TFIP11: variants seen among roughly 807,000 people sequenced by gnomAD.
The protein encoded by TFIP11 is tuftelin interacting protein 11, also known as tuftelin-interacting protein 11.
A neutral mutation model predicts 96.8 loss-of-function variants in TFIP11; 86 were observed. The ratio of observed to expected loss-of-function variants is 0.89; its 90% CI spans 0.75 to 1.06. TFIP11 has a LOEUF of 1.06. TFIP11 is among the 50% of genes least tolerant of loss of function. TFIP11 has a pLI of 0.00. For missense variants in TFIP11, 881 were observed against 1,076.7 expected, an observed-to-expected ratio of 0.82 and a Z score of 2.54; for synonymous variants, 405 against 395.2, an observed-to-expected ratio of 1.02 and a Z score of -0.29.
In TFIP11 at chr22:26,494,817, A is replaced by C; in HGVS notation, c.1972T>G (p.Phe658Val). ...SSLVGLLEKH[F>V]FPKWLQVLCS... ...TGTACCTGAAGCCACTTGGGGAAGAAGTGCTTTTCAAGAAGTCCCACCAGG... is the reference window on the plus strand; with the variant it reads ...TGTACCTGAAGCCACTTGGGGAAGACGTGCTTTTCAAGAAGTCCCACCAGG... Residue 658 changes from phenylalanine (F) to valine (V), a missense_variant, in exon 13 of 15, where the codon TTC (phenylalanine) becomes GTC (valine). Coordinates refer to ENST00000407690, the MANE Select transcript of TFIP11 (RefSeq NM_012143.4). 1.2e-6 allele frequency: 2 copies of C among 1,614,214 alleles called. No homozygotes were observed. Among genetic ancestry groups the C allele is most frequent in the Non-Finnish European group, 1.7e-6 (2 of 1,180,042 alleles).
chr22:26,510,486 A>C lies in TFIP11; in HGVS notation c.-10+131T>G, dbSNP rs1923920651. ...TACTAAAACAGGTGAACAAAATACT[A>C]CTCCTAACAGTCTATGATTCTTTAA... is the stretch of plus-strand genomic sequence containing the variant. On this transcript the variant is annotated intron_variant, in intron 3 of 14. Transcript: ENST00000407690. 6.9e-6 allele frequency: 4 copies of C among 575,612 alleles called. No individual in the cohort carries two copies. In the Admixed American group the frequency reaches 1.2e-4, roughly 17 times the overall value. 35.7% of individuals were successfully genotyped at this position (575,612 alleles called of 1,614,324 possible). A position where few individuals can be genotyped will look rare whatever the true frequency, so the allele number is the denominator to read the frequency against.
Position 26,496,739 on chromosome 22 carries a change from G to A in TFIP11, c.1587C>T (p.Phe529=), listed in dbSNP as rs749533916. The A allele has an allele frequency of 1.2e-6, 2 of 1,614,050 alleles. No individual in the cohort carries two copies. Among genetic ancestry groups the A allele is most frequent in the South Asian group, 2.2e-5 (2 of 91,070 alleles). Reference sequence around the variant, plus strand: ...ATCCCACCTCCTTTTGCAGCTTGGGGAAGATGAGTTGGTCCAGTATGTTAT... The same window carrying A: ...ATCCCACCTCCTTTTGCAGCTTGGGAAAGATGAGTTGGTCCAGTATGTTAT... ...ILDNILDQLI[F]PKLQKEVENW... The change falls in exon 11 of 15, where the codon TTC becomes TTT. Residue 529 remains phenylalanine, a synonymous_variant. Coordinates refer to ENST00000407690, the MANE Select transcript of TFIP11 (RefSeq NM_012143.4).
chr22:26,502,593 T>C (rs760348082), intron 7 of TFIP11, among the ~76,000 whole-genome samples: 10 of 152,184 alleles, frequency 6.6e-5, no homozygotes, highest in Non-Finnish European at 1.5e-4. Context: ...GAACACAAAT[T>C]TGTAAACTTT....
intron 4 of TFIP11, among the ~76,000 whole-genome samples, chr22:26,508,824 A>G (rs1429741636): frequency 6.8e-6 from 1 of 146,634 alleles, no homozygotes; most frequent in African/African-American, 2.5e-5. Context: ...CAGCCTGGCG[A>G]CAGAGCAAGA....
intron 14 of TFIP11, 130 bp downstream of exon 14, chr22:26,494,009 G>A (rs1042768209): frequency 1.0e-6 from 1 of 1,000,012 alleles, no homozygotes; most frequent in African/African-American, 1.6e-5. Context: ...AGAGTCTGTT[G>A]CTATGTGCAA....
rs796588668 is a variant in TFIP11 at position 26,505,185 on chromosome 22, AG to A, written c.520+1117del. The stretch of plus-strand genomic sequence containing the variant: ...CATGCATAGGAAATAGCTCAAGAAG[AG>A]GGGGAAATGTTCCTGTAGGAAGAAT... On this transcript the variant is annotated intron_variant, in intron 6 of 14. Transcript: ENST00000407690. Among the ~76,000 whole-genome samples the A allele has an allele frequency of 2.6e-5, 4 of 152,230 alleles. No homozygotes were observed. The South Asian group carries it at 8.3e-4, about 32-fold the overall frequency.
intron 13 of TFIP11, 66 bp downstream of exon 13, chr22:26,494,731 G>T: frequency 6.2e-7 from 1 of 1,601,794 alleles, no homozygotes; most frequent in South Asian, 1.1e-5. Context: ...GTCAGGCCTT[G>T]GCAGAAAATT....
At chr22:26,501,365 A>G (rs1922760445) in intron 8 of TFIP11, among the ~76,000 whole-genome samples, 1 of 152,174 alleles carries the variant, frequency 6.6e-6, no homozygotes, top group Non-Finnish European at 1.5e-5. Context: ...TGTATTCAAC[A>G]TGGTGATTGC....
intron 12 of TFIP11, 122 bp downstream of exon 12, chr22:26,495,951 G>A: frequency 1.4e-6 from 2 of 1,386,046 alleles, no homozygotes; most frequent in South Asian, 1.4e-5. Flanking sequence ...TTCACAGCAA[G>A]GAATATTGTG....
chr22:26,501,785 CAA>C (rs371327421), intron 8 of TFIP11, 113 bp downstream of exon 8: 17,937 of 256,648 alleles, frequency 0.07, 1 homozygote, highest in South Asian at 0.097. Context: ...AGCAAGGTAC[CAA>C]AAAAAAAAAA....
rs139870038 is a variant in TFIP11, at chr22:26,503,774, T to C, written c.540A>G (p.Glu180=). The C allele has an allele frequency of 1.9e-5, 31 of 1,613,628 alleles. 1 individual carries two copies. The African/African-American group carries it at 3.5e-4, about 18-fold the overall frequency. The change falls in exon 7 of 15, where the codon GAA becomes GAG. Residue 180 remains glutamate, a synonymous_variant. Coordinates refer to ENST00000407690, the MANE Select transcript of TFIP11 (RefSeq NM_012143.4). ...KNAQGIINPI[E]AKQRKGKGAV... is the part of the protein sequence containing the mutation. ...CACCTTTTCCCTTTCTCTGCTTGGCTTCAATTGGGTTAATGATACCTGAGG... is the reference window on the plus strand; with the variant it reads ...CACCTTTTCCCTTTCTCTGCTTGGCCTCAATTGGGTTAATGATACCTGAGG...
At chr22:26,498,739 C>T in intron 10 of TFIP11, 130 bp downstream of exon 10, 1 of 698,396 alleles carries the variant, frequency 1.4e-6, no homozygotes, top group South Asian at 1.9e-5. Flanking sequence ...AATTTAAATT[C>T]CTAAAGCACT....
chr22:26,496,881 C>G lies in TFIP11; in HGVS notation c.1445G>C (p.Trp482Ser), dbSNP rs1922136427. 6.2e-7 allele frequency: 1 copy of G among 1,613,832 alleles called. No homozygotes were observed. The highest frequency in any genetic ancestry group is 1.7e-5 in the Admixed American group (1 of 60,006). ...LSADAFHRLIWEVWMPFVRNI... is the reference protein window; with the variant it reads ...LSADAFHRLISEVWMPFVRNI... ...TCGAACAAAAGGCATCCAGACTTCC[C>G]ATATCAACCTATGGGAGAAAGGCAG... Residue 482 changes from tryptophan (W) to serine (S), a missense_variant, in exon 11 of 15, where the codon TGG becomes TCG. By Grantham distance (177) the Trp-to-Ser change is radical. Coordinates refer to ENST00000407690, the MANE Select transcript of TFIP11 (RefSeq NM_012143.4).
In TFIP11 at chr22:26,512,461, A is replaced by G. The variant is rs903026339; in HGVS notation, c.-240T>C. 1 of 152,356 alleles carries G rather than the reference A, an allele frequency of 6.6e-6. No individual in the cohort carries two copies. Among genetic ancestry groups the G allele is most frequent in the Non-Finnish European group, 1.5e-5 (1 of 68,128 alleles). The allele number at this position is 152,356 out of a possible 1,614,324, so 9.4% of individuals were successfully genotyped here. On this transcript the variant is annotated 5_prime_UTR_variant, in exon 1 of 15. Transcript: ENST00000407690. ...CGCGAGAAGACGCCGCTCCTACACC[A>G]GAACCCGGAAGCACCGTGGCCGGCG...
At chr22:26,496,036 G>A in intron 12 of TFIP11, 37 bp downstream of exon 12, 3 of 1,600,950 alleles carry the variant, frequency 1.9e-6, no homozygotes, top group Non-Finnish European at 2.6e-6. Flanking sequence ...GGGCACCAAA[G>A]CTGCTGGGCT....
rs144254532 is a variant in TFIP11 at position 26,495,332 on chromosome 22, G to A, written c.1850-393C>T. On this transcript the variant is annotated intron_variant, in intron 12 of 14. Coordinates refer to ENST00000407690, the MANE Select transcript of TFIP11 (RefSeq NM_012143.4). Reference sequence around the variant, plus strand: ...GTCTCACTGTTGCCCAGGCTGAAGTGCAATGGCAGATCTTGGCTCACTGCA... The same window carrying A: ...GTCTCACTGTTGCCCAGGCTGAAGTACAATGGCAGATCTTGGCTCACTGCA... Among the ~76,000 whole-genome samples, 998 of 125,474 alleles carry A rather than the reference G, an allele frequency of 8.0e-3. 11 individuals are homozygous for A. Among genetic ancestry groups the A allele is most frequent in the African/African-American group, 0.03 (950 of 32,176 alleles). 82.3% of individuals were successfully genotyped at this position (125,474 alleles called of 152,430 possible).
chr22:26,510,042 C>T, intron 4 of TFIP11, 22 bp downstream of exon 4: 1 of 1,611,158 alleles, frequency 6.2e-7, no homozygotes, highest in Non-Finnish European at 8.5e-7. Context: ...CAAGGTGAAG[C>T]AGCCCCCATG....
At chr22:26,496,532 T>G (rs1452878251) in intron 11 of TFIP11, among the ~76,000 whole-genome samples, 189 bp downstream of exon 11, 1 of 152,058 alleles carries the variant, frequency 6.6e-6, no homozygotes, top group Non-Finnish European at 1.5e-5. Flanking sequence ...GAAAATGAAT[T>G]CCCTCCTGAG....
In TFIP11 at chr22:26,494,243, C is replaced by G; in HGVS notation, c.2054G>C (p.Gly685Ala). The G allele has an allele frequency of 6.2e-7, 1 of 1,614,224 alleles. No homozygotes were observed. The highest frequency in any genetic ancestry group is 2.2e-5 in the East Asian group (1 of 44,888). ...NYEEITKWYL[G>A]WKSMFSDQVL... ...TTGGTCTGAGAACATCGACTTCCAA[C>G]CCAGGTACCACTTGGTGATCTCCTC... Residue 685 changes from glycine to alanine, a missense_variant, in exon 14 of 15, where the codon GGT becomes GCT. Gly to Ala is a moderately conservative substitution (Grantham distance 60). Transcript: ENST00000407690.
Sources: allele counts gnomAD v4.1 joint callset (sites outside exome capture counted in the v4.1 genomes callset), GRCh38; gene constraint gnomAD v4.1.1; transcripts MANE v1.5; gene names NCBI Gene and HGNC (gene_info 2026-07-23, HGNC 2026-07-21).